KCNB2: variants seen among roughly 807,000 people sequenced by gnomAD.
KCNB2 encodes the protein delayed rectifier potassium channel protein.
In KCNB2, 15 loss-of-function variants were observed where a neutral mutation model predicts 61.5. That is an observed-to-expected ratio of 0.24 (90% confidence interval 0.16 to 0.38). KCNB2 has a LOEUF of 0.38. Among genes scored for constraint, KCNB2 ranks in the 10% least tolerant of loss-of-function variants. KCNB2 has a pLI of 1.00. For synonymous variants in KCNB2, 457 were observed against 446.0 expected, an observed-to-expected ratio of 1.02 and a Z score of -0.31; for missense variants, 828 against 1,125.2, an observed-to-expected ratio of 0.74 and a Z score of 3.78.
At chr8:72,731,154 G>A (rs1018308482) in intron 2 of KCNB2, among the ~76,000 whole-genome samples, 2 of 152,212 alleles carry the variant, frequency 1.3e-5, no homozygotes, top group African/African-American at 2.4e-5. Flanking sequence ...GAGTGAGTGA[G>A]TGGGGAAGAT....
intron 2 of KCNB2, among the ~76,000 whole-genome samples, chr8:72,852,080 A>T (rs1475305784): frequency 6.6e-6 from 1 of 151,340 alleles, no homozygotes; most frequent in East Asian, 1.9e-4. Flanking sequence ...AAAAAAATTT[A>T]AAAAATAAAA....
At chr8:72,660,153 G>A in intron 2 of KCNB2, among the ~76,000 whole-genome samples, 1 of 152,166 alleles carries the variant, frequency 6.6e-6, no homozygotes, top group East Asian at 1.9e-4. Flanking sequence ...CATCTTGTGG[G>A]TGAAAAGCCT....
At chr8:72,693,981 A>G (rs1023225249) in intron 2 of KCNB2, among the ~76,000 whole-genome samples, 1 of 152,224 alleles carries the variant, frequency 6.6e-6, no homozygotes, top group Non-Finnish European at 1.5e-5. Flanking sequence ...AATATAATAT[A>G]GAATGTTTAT....
chr8:72,640,524 A>C (rs1360236747), intron 2 of KCNB2, among the ~76,000 whole-genome samples: 1 of 152,102 alleles, frequency 6.6e-6, no homozygotes, highest in African/African-American at 2.4e-5. Context: ...TGCTGCTTTC[A>C]GTGGATATCT....
At chr8:72,908,933 AG>A (rs1394380780) in intron 2 of KCNB2, among the ~76,000 whole-genome samples, 8 of 152,210 alleles carry the variant, frequency 5.3e-5, no homozygotes, top group Admixed American at 1.3e-4. Context: ...GTGGCCATAC[AG>A]CAGAGTAACA....
In KCNB2 at chr8:72,673,047, T is replaced by C. The variant is rs554434884; in HGVS notation, c.579+104734T>C. Among the ~76,000 whole-genome samples, 13 of 152,322 alleles carry C rather than the reference T, an allele frequency of 8.5e-5. No individual in the cohort carries two copies. The East Asian group carries it at 2.3e-3, about 27-fold the overall frequency. On this transcript the variant is annotated intron_variant, in intron 2 of 2. Transcript: ENST00000523207. ...GATCCAGCAATCTCACCTCTGGGTATATACCCAAAAGAATTGAAAGCAGGG... is the reference window on the plus strand; with the variant it reads ...GATCCAGCAATCTCACCTCTGGGTACATACCCAAAAGAATTGAAAGCAGGG...
chr8:72,739,008 T>C (rs1471991442), intron 2 of KCNB2, among the ~76,000 whole-genome samples: 1 of 152,168 alleles, frequency 6.6e-6, no homozygotes, highest in Non-Finnish European at 1.5e-5. Context: ...AAGATTCTTT[T>C]CTTTCTCTTT....
chr8:72,592,365 A>G (rs1807114196), intron 2 of KCNB2, among the ~76,000 whole-genome samples: 1 of 152,166 alleles, frequency 6.6e-6, no homozygotes, highest in East Asian at 1.9e-4. Flanking sequence ...ATCAGTATAT[A>G]TCTGCATGTC....
intron 2 of KCNB2, among the ~76,000 whole-genome samples, chr8:72,633,649 A>G (rs1292575133): frequency 6.6e-6 from 1 of 152,098 alleles, no homozygotes; most frequent in Non-Finnish European, 1.5e-5. Context: ...CCATTTTGGG[A>G]GCCCCCAGAA....
intron 2 of KCNB2, among the ~76,000 whole-genome samples, chr8:72,777,832 TATA>T (rs746698143): frequency 2.0e-5 from 3 of 152,164 alleles, no homozygotes; most frequent in Non-Finnish European, 4.4e-5. Context: ...AGTTGGCTGG[TATA>T]ATGTTTTTGG....
At chr8:72,570,570 G>GT (rs553226244) in intron 2 of KCNB2, among the ~76,000 whole-genome samples, 56 of 147,942 alleles carry the variant, frequency 3.8e-4, no homozygotes, top group South Asian at 1.1e-3. Context: ...CCTATAACTT[G>GT]TTTTTTTTTT....
At chr8:72,892,995 C>T (rs1368826821) in intron 2 of KCNB2, among the ~76,000 whole-genome samples, 1 of 151,690 alleles carries the variant, frequency 6.6e-6, no homozygotes, top group Non-Finnish European at 1.5e-5. Flanking sequence ...TGATTTTGTC[C>T]TGGACTACTG....
At chr8:72,753,239 T>C (rs1808230007) in intron 2 of KCNB2, among the ~76,000 whole-genome samples, 1 of 152,246 alleles carries the variant, frequency 6.6e-6, no homozygotes, top group African/African-American at 2.4e-5. Flanking sequence ...TTGTTTCCTT[T>C]GACTTAAAGT....
intron 2 of KCNB2, among the ~76,000 whole-genome samples, chr8:72,741,663 A>G (rs1216430315): frequency 5.3e-5 from 8 of 152,012 alleles, no homozygotes; most frequent in Admixed American, 1.3e-4. Flanking sequence ...GTGAGAGCAT[A>G]TGACATTTGG....
chr8:72,833,218 A>C (rs1364069410), intron 2 of KCNB2, among the ~76,000 whole-genome samples: 1 of 152,226 alleles, frequency 6.6e-6, no homozygotes, highest in African/African-American at 2.4e-5. Flanking sequence ...TGTTACAATA[A>C]AATTTTAAAG....
chr8:72,754,233 C>T (rs1484162311), intron 2 of KCNB2, among the ~76,000 whole-genome samples: 2 of 152,182 alleles, frequency 1.3e-5, no homozygotes, highest in Non-Finnish European at 2.9e-5. Context: ...TTCTCATTTT[C>T]CTATGGAATT....
At chr8:72,895,235 G>C (rs1406330569) in intron 2 of KCNB2, among the ~76,000 whole-genome samples, 1 of 152,186 alleles carries the variant, frequency 6.6e-6, no homozygotes, top group Non-Finnish European at 1.5e-5. Flanking sequence ...GTGCTGATTA[G>C]CTGACCTTAA....
intron 2 of KCNB2, among the ~76,000 whole-genome samples, chr8:72,805,520 C>T (rs891506878): frequency 5.3e-5 from 8 of 152,182 alleles, no homozygotes; most frequent in African/African-American, 1.9e-4. Context: ...TGTCTGCATA[C>T]AGCTATGTTC....
chr8:72,871,684 T>C (rs1339013539), intron 2 of KCNB2, among the ~76,000 whole-genome samples: 1 of 152,232 alleles, frequency 6.6e-6, no homozygotes, highest in African/African-American at 2.4e-5. Context: ...TTAATTCTCT[T>C]ATTTCCTCCA....
Sources: allele counts gnomAD v4.1 joint callset (sites outside exome capture counted in the v4.1 genomes callset), GRCh38; gene constraint gnomAD v4.1.1; transcripts MANE v1.5; gene names NCBI Gene and HGNC (gene_info 2026-07-23, HGNC 2026-07-21).